Variants in NELL1 observed in about 807,000 individuals in gnomAD.
The protein encoded by NELL1 is neural EGFL like 1, also known as protein kinase C-binding protein NELL1.
In NELL1, 76 loss-of-function variants were observed where a neutral mutation model predicts 107.4. That is an observed-to-expected ratio of 0.71 (90% CI 0.59 to 0.86). The LOEUF (loss-of-function observed/expected upper bound fraction) is 0.86. NELL1 is among the 40% of genes least tolerant of loss of function. The pLI is 0.00. For missense variants in NELL1, 1,024 were observed against 1,005.5 expected, an observed-to-expected ratio of 1.02 and a Z score of -0.25; for synonymous variants, 353 against 341.2, an observed-to-expected ratio of 1.03 and a Z score of -0.38.
At chr11:20,788,797 T>G (rs1311863127) in intron 3 of NELL1, among the ~76,000 whole-genome samples, 4 of 152,348 alleles carry the variant, frequency 2.6e-5, no homozygotes, top group South Asian at 4.1e-4. Context: ...CTAAAAGTTT[T>G]ATAGGTTTAG....
intron 12 of NELL1, among the ~76,000 whole-genome samples, chr11:21,028,134 C>T (rs1418385406): frequency 6.6e-6 from 1 of 152,096 alleles, no homozygotes. Flanking sequence ...CCCTAGAAGC[C>T]ATTCTATATT....
chr11:21,357,975 G>T (rs1335821559), intron 14 of NELL1, among the ~76,000 whole-genome samples: 1 of 152,116 alleles, frequency 6.6e-6, no homozygotes, highest in Non-Finnish European at 1.5e-5. Flanking sequence ...TGTTATTTCT[G>T]CTTTCTCTAT....
chr11:21,306,136 C>G (rs1284369640), intron 14 of NELL1, among the ~76,000 whole-genome samples: 2 of 151,832 alleles, frequency 1.3e-5, no homozygotes, highest in African/African-American at 2.4e-5. Flanking sequence ...GATATTTTAT[C>G]TTTTGGAGCC....
intron 5 of NELL1, among the ~76,000 whole-genome samples, chr11:20,916,743 T>TTAG (rs1590412574): frequency 6.6e-6 from 1 of 151,810 alleles, no homozygotes; most frequent in East Asian, 1.9e-4. Flanking sequence ...CATTCTTTTA[T>TTAG]TATTATTATT....
At chr11:21,465,379 T>C (rs1854002325) in intron 15 of NELL1, among the ~76,000 whole-genome samples, 1 of 152,124 alleles carries the variant, frequency 6.6e-6, no homozygotes, top group South Asian at 2.1e-4. Flanking sequence ...GCTTCTTGTT[T>C]TCAGCTCTGG....
At chr11:20,707,120 A>G (rs1054515216) in intron 2 of NELL1, among the ~76,000 whole-genome samples, 4 of 152,144 alleles carry the variant, frequency 2.6e-5, no homozygotes, top group African/African-American at 7.2e-5. Context: ...TTGGTCTTCA[A>G]TCACTGATAC....
At chr11:21,456,192 C>T (rs1000732499) in intron 15 of NELL1, among the ~76,000 whole-genome samples, 1 of 152,110 alleles carries the variant, frequency 6.6e-6, no homozygotes, top group African/African-American at 2.4e-5. Flanking sequence ...CCCTTTTACT[C>T]TTTCTTCTTT....
intron 12 of NELL1, among the ~76,000 whole-genome samples, chr11:21,061,956 C>G (rs1229229311): frequency 6.6e-6 from 1 of 152,170 alleles, no homozygotes; most frequent in Non-Finnish European, 1.5e-5. Flanking sequence ...TATTCTCTCT[C>G]CTTGAAGGGA....
rs1339241100 is a variant in NELL1, at chr11:21,496,977, TAGTATTCC to T, written c.1646-37395_1646-37388del. ...GAACTCATCATTTTTTATGGCTGCATAGTATTCCATGGTGTATATGTGCCACATTTTCT... is the reference window on the plus strand; with the variant it reads ...GAACTCATCATTTTTTATGGCTGCATATGGTGTATATGTGCCACATTTTCT... On this transcript the variant is annotated intron_variant, in intron 15 of 19. Transcript: ENST00000357134. Among the ~76,000 whole-genome samples the T allele has an allele frequency of 2.0e-4, 30 of 152,174 alleles. No homozygotes were observed. In the East Asian group the frequency reaches 5.8e-3, roughly 30 times the overall value.
At chr11:21,031,095 T>A (rs1852944478) in intron 12 of NELL1, among the ~76,000 whole-genome samples, 1 of 152,210 alleles carries the variant, frequency 6.6e-6, no homozygotes, top group African/African-American at 2.4e-5. Context: ...TATTCTTTCT[T>A]AATATTCTAT....
Position 21,395,802 on chromosome 11 carries a change from G to A in NELL1, c.1645+24854G>A, listed in dbSNP as rs549484057. On this transcript the variant is annotated intron_variant, in intron 15 of 19. Coordinates refer to ENST00000357134, the MANE Select transcript of NELL1 (RefSeq NM_006157.5). ...TTGGCCTCTCTGAAAAAAACTCCTC[G>A]ATTGTGTCTCAAAGATGGAGCCTGA... Among the ~76,000 whole-genome samples, 9 of 151,036 alleles carry A rather than the reference G, an allele frequency of 6.0e-5. No homozygotes were observed. In the South Asian group the frequency reaches 1.9e-3, roughly 32 times the overall value.
rs141891537 is a variant in NELL1, at chr11:21,500,762, T to C, written c.1646-33612T>C. Among the ~76,000 whole-genome samples the C allele has an allele frequency of 2.8e-3, 430 of 152,296 alleles. 5 individuals are homozygous for C. The highest frequency in any genetic ancestry group is 9.8e-3 in the African/African-American group (409 of 41,578). ...TACAAACCCTTCGTAAAGTTTGTTT[T>C]ACAATCTGTTTTCAGATATGTTACC... is the stretch of plus-strand genomic sequence containing the variant. On this transcript the variant is annotated intron_variant, in intron 15 of 19. Transcript: ENST00000357134.
intron 16 of NELL1, among the ~76,000 whole-genome samples, chr11:21,559,025 C>G (rs2133999548): frequency 6.6e-6 from 1 of 152,122 alleles, no homozygotes; most frequent in Middle Eastern, 3.4e-3. Flanking sequence ...CTATAATTTT[C>G]AAAGGAGAAA....
chr11:20,881,186 C>T (rs1007766777), intron 4 of NELL1, among the ~76,000 whole-genome samples: 1 of 152,202 alleles, frequency 6.6e-6, no homozygotes, highest in Admixed American at 6.5e-5. Flanking sequence ...TAGGTTTTCA[C>T]GTTGCTCTAT....
intron 15 of NELL1, among the ~76,000 whole-genome samples, chr11:21,488,968 C>T (rs1854718538): frequency 6.6e-6 from 1 of 151,552 alleles, no homozygotes; most frequent in South Asian, 2.1e-4. Context: ...AAATGAAATA[C>T]AGACTTAAAT....
intron 2 of NELL1, among the ~76,000 whole-genome samples, chr11:20,741,041 C>A (rs1203149809): frequency 2.0e-5 from 3 of 152,152 alleles, no homozygotes; most frequent in Admixed American, 6.6e-5. Context: ...GACATGTTTT[C>A]TGGTTCTGAG....
Position 21,190,886 on chromosome 11 carries a change from AG to A in NELL1, c.1427-38445del, listed in dbSNP as rs1249971075. Among the ~76,000 whole-genome samples, 38 of 151,774 alleles carry A rather than the reference AG, an allele frequency of 2.5e-4. 1 individual carries two copies. On this transcript the variant is annotated intron_variant, in intron 13 of 19. Coordinates refer to ENST00000357134, the MANE Select transcript of NELL1 (RefSeq NM_006157.5). ...CAGTTTATTCAGCCTTGCCAATTCAAGTAGACAATGAGAGAGGTCATAGAGT... is the reference window on the plus strand; with the variant it reads ...CAGTTTATTCAGCCTTGCCAATTCAATAGACAATGAGAGAGGTCATAGAGT...
chr11:21,075,852 G>T (rs1854122737), intron 12 of NELL1, among the ~76,000 whole-genome samples: 1 of 152,174 alleles, frequency 6.6e-6, no homozygotes, highest in Non-Finnish European at 1.5e-5. Flanking sequence ...AATCGGTCAT[G>T]GGGTACAGAG....
At chr11:20,920,370 C>T (rs1850351602) in intron 7 of NELL1, among the ~76,000 whole-genome samples, 2 of 151,978 alleles carry the variant, frequency 1.3e-5, no homozygotes, top group East Asian at 3.9e-4. Context: ...TAGTTTGGAC[C>T]CATGGATTGT....
Sources: allele counts gnomAD v4.1 joint callset (sites outside exome capture counted in the v4.1 genomes callset), GRCh38; gene constraint gnomAD v4.1.1; transcripts MANE v1.5; gene names NCBI Gene and HGNC (gene_info 2026-07-23, HGNC 2026-07-21).